Variants in PCDHGC3 observed in about 807,000 individuals in gnomAD.
PCDHGC3 encodes protocadherin gamma subfamily C, 3.
PCDHGC3 carries 26 observed loss-of-function variants against 59.2 expected under a neutral mutation model. The ratio of observed to expected loss-of-function variants is 0.44; its 90% CI spans 0.32 to 0.61. The LOEUF is 0.61. Ranked by LOEUF, PCDHGC3 falls within the 20% of genes least tolerant of loss-of-function variation. PCDHGC3 has a pLI of 0.05. For missense variants in PCDHGC3, 1,080 were observed against 1,221.8 expected, an observed-to-expected ratio of 0.88 and a Z score of 1.73; for synonymous variants, 487 against 519.7, an observed-to-expected ratio of 0.94 and a Z score of 0.86.
chr5:141,509,421 A>T (rs939726886), intron 3 of PCDHGC3, among the ~76,000 whole-genome samples: 5 of 152,088 alleles, frequency 3.3e-5, no homozygotes, highest in Non-Finnish European at 1.5e-5. Context: ...AGCCCCAATG[A>T]GTCAAACTCT....
intron 1 of PCDHGC3, among the ~76,000 whole-genome samples, chr5:141,484,045 G>A (rs934525987): frequency 7.9e-5 from 12 of 152,026 alleles, no homozygotes; most frequent in African/African-American, 2.9e-4. Context: ...AGCTCCAAGA[G>A]GTCCCCTGGG....
rs560733170 is a variant in PCDHGC3, at chr5:141,503,895, A to G, written c.2490-1498A>G. ...TTGTGCTCACCCACCATGACAAAATATGCACACACACAACGCAACACACAC... is the reference window on the plus strand; with the variant it reads ...TTGTGCTCACCCACCATGACAAAATGTGCACACACACAACGCAACACACAC... On this transcript the variant is annotated intron_variant, in intron 2 of 3. Transcript: ENST00000308177. Among the ~76,000 whole-genome samples, 12 of 152,302 alleles carry G rather than the reference A, an allele frequency of 7.9e-5. No individual in the cohort carries two copies. The South Asian group carries it at 2.1e-3, about 26-fold the overall frequency.
chr5:141,510,251 C>T (rs569804850), intron 3 of PCDHGC3, among the ~76,000 whole-genome samples: 5 of 144,790 alleles, frequency 3.5e-5, no homozygotes, highest in South Asian at 4.3e-4. Flanking sequence ...CCAGGCTGGG[C>T]GACAGAGCAG....
rs756706355 is a variant in PCDHGC3 at position 141,486,950 on chromosome 5, G to C, written c.2431-7857G>C. 6.2e-7 allele frequency: 1 copy of C among 1,614,202 alleles called. No homozygotes were observed. Among genetic ancestry groups the C allele is most frequent in the East Asian group, 2.2e-5 (1 of 44,876 alleles). On this transcript the variant is annotated intron_variant, in intron 1 of 3. Coordinates refer to ENST00000308177, the MANE Select transcript of PCDHGC3 (RefSeq NM_002588.4). The surrounding 1 kb of genome is among the most constrained non-coding windows in gnomAD (Gnocchi z 5.0). ...TGGTGCTGGCCACCTAATCACAAAG[G>C]TGACTGCTGTGGACTTGGATTCAGG...
chr5:141,507,206 G>A (rs1392293998), intron 3 of PCDHGC3: 2 of 152,376 alleles, frequency 1.3e-5, no homozygotes, highest in African/African-American at 4.8e-5. Flanking sequence ...CCAGATCAGG[G>A]TTGCCAGATA....
chr5:141,508,737 C>T (rs919094477), intron 3 of PCDHGC3, among the ~76,000 whole-genome samples: 1 of 152,010 alleles, frequency 6.6e-6, no homozygotes, highest in Non-Finnish European at 1.5e-5. Flanking sequence ...CTACACCCCC[C>T]ACCCCGCTCT....
Position 141,477,673 on chromosome 5 carries a change from G to A in PCDHGC3, c.1557G>A (p.Val519=). The A allele has an allele frequency of 1.2e-6, 2 of 1,614,168 alleles. No individual in the cohort carries two copies. The highest frequency in any genetic ancestry group is 8.5e-7 in the Non-Finnish European group (1 of 1,180,050). ...YFTINRDNGI[V]SSLVPLDYED... ...CAATAAATCGTGACAATGGCATAGT[G>A]TCATCCTTAGTGCCCCTAGACTATG... Residue 519 remains valine (V), a synonymous_variant, in exon 1 of 4, where the codon GTG becomes GTA. Coordinates refer to ENST00000308177, the MANE Select transcript of PCDHGC3 (RefSeq NM_002588.4). This position sits in a 1 kb window ranked among gnomAD's most constrained non-coding sequence, Gnocchi z 4.9.
rs1247556723 is a variant in PCDHGC3 at position 141,489,841 on chromosome 5, G to A, written c.2431-4966G>A. 6.2e-7 allele frequency: 1 copy of A among 1,614,224 alleles called. No individual in the cohort carries two copies. The highest frequency in any genetic ancestry group is 1.7e-5 in the Admixed American group (1 of 60,032). On this transcript the variant is annotated intron_variant, in intron 1 of 3. Coordinates refer to ENST00000308177, the MANE Select transcript of PCDHGC3 (RefSeq NM_002588.4). The surrounding 1 kb of genome is among the most constrained non-coding windows in gnomAD (Gnocchi z 4.5). Reference sequence around the variant, plus strand: ...AGAGCTGGTGCTAGAGCAGCAGCTGGATCGTGAAGCCCAGGCAAGACATCA... The same window carrying A: ...AGAGCTGGTGCTAGAGCAGCAGCTGAATCGTGAAGCCCAGGCAAGACATCA...
intron 2 of PCDHGC3, among the ~76,000 whole-genome samples, chr5:141,499,209 C>G (rs1171702973): frequency 6.6e-6 from 1 of 152,096 alleles, no homozygotes; most frequent in Admixed American, 6.5e-5. Context: ...GGCTGTAACC[C>G]AGGCCCTGCC....
Position 141,486,677 on chromosome 5 carries a change from G to A in PCDHGC3, c.2431-8130G>A, listed in dbSNP as rs755512470. ...ACTCCTGGAGCCCAGGAATCGAGATGTATCAGCTTCCTCTTTCATCTCTCT... is the reference window on the plus strand; with the variant it reads ...ACTCCTGGAGCCCAGGAATCGAGATATATCAGCTTCCTCTTTCATCTCTCT... On this transcript the variant is annotated intron_variant, in intron 1 of 3. Transcript: ENST00000308177. This position sits in a 1 kb window ranked among gnomAD's most constrained non-coding sequence, Gnocchi z 5.0. The A allele has an allele frequency of 3.7e-6, 6 of 1,614,060 alleles. No individual in the cohort carries two copies. Among genetic ancestry groups the A allele is most frequent in the Middle Eastern group, 1.6e-4 (1 of 6,062 alleles).
In PCDHGC3 at chr5:141,487,819, C is replaced by A; in HGVS notation, c.2431-6988C>A. 2.3e-6 allele frequency: 3 copies of A among 1,285,528 alleles called. No homozygotes were observed. Among genetic ancestry groups the A allele is most frequent in the Non-Finnish European group, 3.2e-6 (3 of 932,998 alleles). 79.6% of individuals were successfully genotyped at this position (1,285,528 alleles called of 1,614,324 possible). On this transcript the variant is annotated intron_variant, in intron 1 of 3. Transcript: ENST00000308177. This position sits in a 1 kb window ranked among gnomAD's most constrained non-coding sequence, Gnocchi z 5.0. ...AGTTGTCACAGTTTAGCATTGGGGG[C>A]GGGTCATGCCTATATCTGAGTAAGA...
chr5:141,510,451 G>A (rs1330148267), intron 3 of PCDHGC3, among the ~76,000 whole-genome samples: 2 of 152,096 alleles, frequency 1.3e-5, no homozygotes, highest in East Asian at 1.9e-4. Context: ...AGGAGCCCAT[G>A]GTCTAGTGTG....
At position 141,487,855 on chromosome 5, in the gene PCDHGC3, A is replaced by T; in HGVS notation, c.2431-6952A>T. 1 of 974,210 alleles carries T rather than the reference A, an allele frequency of 1.0e-6. No homozygotes were observed. 60.3% of individuals were successfully genotyped at this position (974,210 alleles called of 1,614,324 possible). A position where few individuals can be genotyped will look rare whatever the true frequency, so the allele number is the denominator to read the frequency against. On this transcript the variant is annotated intron_variant, in intron 1 of 3. Coordinates refer to ENST00000308177, the MANE Select transcript of PCDHGC3 (RefSeq NM_002588.4). This position sits in a 1 kb window ranked among gnomAD's most constrained non-coding sequence, Gnocchi z 5.0. Reference sequence around the variant, plus strand: ...TATATCTGAGTAAGAAATGAAAGTAATTGGTGATCAAGAGCCAGGCTGTTG... The same window carrying T: ...TATATCTGAGTAAGAAATGAAAGTATTTGGTGATCAAGAGCCAGGCTGTTG...
In PCDHGC3 at chr5:141,477,806, G is replaced by T; in HGVS notation, c.1690G>T (p.Ala564Ser). ...NIFVTDRNDN[A>S]PQVLYPRPGG... ...ATTTGTCACTGATCGCAATGACAAT[G>T]CCCCCCAGGTCCTATATCCTCGGCC... Residue 564 changes from alanine (A) to serine (S), a missense_variant, in exon 1 of 4, where the codon GCC becomes TCC. Coordinates refer to ENST00000308177, the MANE Select transcript of PCDHGC3 (RefSeq NM_002588.4). The surrounding 1 kb of genome is among the most constrained non-coding windows in gnomAD (Gnocchi z 4.9). 6.2e-7 allele frequency: 1 copy of T among 1,614,118 alleles called. No homozygotes were observed. The highest frequency in any genetic ancestry group is 8.5e-7 in the Non-Finnish European group (1 of 1,180,036).
Position 141,476,977 on chromosome 5 carries a change from C to A in PCDHGC3, c.861C>A (p.Asn287Lys), listed in dbSNP as rs141692339. The change falls in exon 1 of 4, where the codon AAC becomes AAA. Residue 287 changes from asparagine to lysine, a missense_variant. By Grantham distance (94) the Asn-to-Lys change is moderately conservative. Coordinates refer to ENST00000308177, the MANE Select transcript of PCDHGC3 (RefSeq NM_002588.4). The surrounding 1 kb of genome is among the most constrained non-coding windows in gnomAD (Gnocchi z 7.6). The stretch of plus-strand genomic sequence containing the variant: ...TTATTTACTCCTTCGGCAGCCACAA[C>A]CGCGCCGGCGTGCGGCAACTATTCG... ...GEIIYSFGSH[N>K]RAGVRQLFAL... is the part of the protein sequence containing the mutation. 6.2e-7 allele frequency: 1 copy of A among 1,614,232 alleles called. No individual in the cohort carries two copies. The highest frequency in any genetic ancestry group is 8.5e-7 in the Non-Finnish European group (1 of 1,180,040).
chr5:141,476,741 A>G lies in PCDHGC3; in HGVS notation c.625A>G (p.Ser209Gly), dbSNP rs1430298222. The change falls in exon 1 of 4, where the codon AGT (serine) becomes GGT (glycine). Residue 209 changes from serine to glycine, a missense_variant. Transcript: ENST00000308177. The surrounding 1 kb of genome is among the most constrained non-coding windows in gnomAD (Gnocchi z 7.6). ...CGCCCTGGACCGAGAACGGGAGCCT[A>G]GTCTCCAGTTAGTGCTGACGGCGTT... ...ERALDREREP[S>G]LQLVLTALDG... The G allele has an allele frequency of 6.2e-7, 1 of 1,613,936 alleles. No individual in the cohort carries two copies. Among genetic ancestry groups the G allele is most frequent in the Non-Finnish European group, 8.5e-7 (1 of 1,180,032 alleles).
At chr5:141,488,546 G>A (rs2099676755) in intron 1 of PCDHGC3, among the ~76,000 whole-genome samples, 1 of 152,188 alleles carries the variant, frequency 6.6e-6, no homozygotes, top group African/African-American at 2.4e-5. Context: ...TCCCATGTCA[G>A]CTGACATTGA....
rs758216933 is a variant in PCDHGC3 at position 141,487,377 on chromosome 5, C to A, written c.2431-7430C>A. The A allele has an allele frequency of 2.5e-6, 4 of 1,614,190 alleles. No individual in the cohort carries two copies. In the South Asian group the frequency reaches 3.3e-5, roughly 13 times the overall value. On this transcript the variant is annotated intron_variant, in intron 1 of 3. Transcript: ENST00000308177. This position sits in a 1 kb window ranked among gnomAD's most constrained non-coding sequence, Gnocchi z 5.0. ...CCTGCTGGCACCTGTGCCTGTCTCA[C>A]CAGATCTCGAAGGAGGGAGGGGCTT...
At chr5:141,488,872 T>C (rs773185475) in intron 1 of PCDHGC3, among the ~76,000 whole-genome samples, 4 of 151,794 alleles carry the variant, frequency 2.6e-5, no homozygotes, top group Non-Finnish European at 5.9e-5. Flanking sequence ...AGTGGGGAGG[T>C]AGGAAGCTTC....
Sources: gnomAD v4.1 joint callset for allele counts (sites outside exome capture counted in the v4.1 genomes callset) on GRCh38, gnomAD v4.1.1 for gene constraint, Gnocchi (gnomAD v3.1) non-coding constraint, MANE v1.5 for transcripts, NCBI Gene and HGNC (gene_info 2026-07-23, HGNC 2026-07-21) for gene names.